Variants in NIPBL observed in about 807,000 individuals in gnomAD.
The protein encoded by NIPBL is NIPBL cohesin loading factor.
A neutral mutation model predicts 321.8 loss-of-function variants in NIPBL; 19 were observed. The ratio of observed to expected loss-of-function variants is 0.06; its 90% confidence interval spans 0.04 to 0.09. The LOEUF (loss-of-function observed/expected upper bound fraction) is 0.09. NIPBL is among the 10% of genes least tolerant of loss of function. The pLI is 1.00. For missense variants in NIPBL, 2,210 were observed against 3,327.0 expected, an observed-to-expected ratio of 0.66 and a Z score of 8.26; for synonymous variants, 1,106 against 1,114.1, an observed-to-expected ratio of 0.99 and a Z score of 0.14.
chr5:37,040,610 G>A (rs971494674), intron 34 of NIPBL, among the ~76,000 whole-genome samples: 1 of 152,068 alleles, frequency 6.6e-6, no homozygotes, highest in African/African-American at 2.4e-5. Context: ...TATTTGGCAG[G>A]TGTTTACATA....
At chr5:36,948,564 T>G (rs1490013426) in intron 1 of NIPBL, among the ~76,000 whole-genome samples, 3 of 151,912 alleles carry the variant, frequency 2.0e-5, no homozygotes, top group Non-Finnish European at 4.4e-5. Flanking sequence ...ATTTAGCTCA[T>G]TTTTAGTGTA....
chr5:37,016,890 C>T, intron 23 of NIPBL, 129 bp from the exon 24 acceptor site: 1 of 647,946 alleles, frequency 1.5e-6, no homozygotes, highest in Non-Finnish European at 2.5e-6. Context: ...CTTTATGGGA[C>T]AATATCACAG....
intron 44 of NIPBL, 35 bp downstream of exon 44, chr5:37,059,200 A>G: frequency 6.2e-7 from 1 of 1,606,954 alleles, no homozygotes; most frequent in Non-Finnish European, 8.5e-7. Flanking sequence ...AAAAAACTTC[A>G]CTCTGTTCAA....
At chr5:36,950,711 A>T (rs1740191918) in intron 1 of NIPBL, among the ~76,000 whole-genome samples, 1 of 152,082 alleles carries the variant, frequency 6.6e-6, no homozygotes, top group African/African-American at 2.4e-5. Flanking sequence ...TTCTAGACAC[A>T]TGTCAGCTTC....
chr5:36,898,322 A>G (rs79648170), intron 1 of NIPBL, among the ~76,000 whole-genome samples: 3,969 of 152,140 alleles, frequency 0.026, 95 homozygotes, highest in Non-Finnish European at 0.036. Flanking sequence ...GGGTAGTGTA[A>G]TCCTGCCTTT....
intron 1 of NIPBL, among the ~76,000 whole-genome samples, chr5:36,934,761 T>C (rs982938789): frequency 2.0e-5 from 3 of 151,668 alleles, no homozygotes; most frequent in African/African-American, 7.3e-5. Context: ...TGAAGAACTT[T>C]CAGAGGCCAT....
intron 6 of NIPBL, among the ~76,000 whole-genome samples, chr5:36,966,164 A>G (rs1032234472): frequency 6.6e-6 from 1 of 152,086 alleles, no homozygotes; most frequent in Non-Finnish European, 1.5e-5. Context: ...AGCATGTTCA[A>G]ATCTAGCTTT....
At chr5:36,891,615 G>A (rs1233239882) in intron 1 of NIPBL, among the ~76,000 whole-genome samples, 1 of 152,202 alleles carries the variant, frequency 6.6e-6, no homozygotes, top group African/African-American at 2.4e-5. Context: ...TGCCAAAAAG[G>A]TCTGAAGCTA....
chr5:36,921,190 C>G (rs569132131), intron 1 of NIPBL, among the ~76,000 whole-genome samples: 1 of 150,404 alleles, frequency 6.6e-6, no homozygotes, highest in Non-Finnish European at 1.5e-5. Flanking sequence ...TGTTCTTGAA[C>G]AGGAAAATTT....
chr5:37,062,613 T>C (rs1394240246), intron 45 of NIPBL, among the ~76,000 whole-genome samples: 1 of 152,158 alleles, frequency 6.6e-6, no homozygotes, highest in African/African-American at 2.4e-5. Context: ...CAATGAATTA[T>C]ACATTTAAAA....
intron 42 of NIPBL, among the ~76,000 whole-genome samples, chr5:37,054,298 T>G (rs1050443398): frequency 2.6e-5 from 4 of 152,088 alleles, no homozygotes; most frequent in Admixed American, 6.5e-5. Context: ...ATAGTGCAGA[T>G]ATCTTACTAG....
intron 43 of NIPBL, among the ~76,000 whole-genome samples, chr5:37,057,618 A>G (rs564287513): frequency 6.6e-6 from 1 of 152,262 alleles, no homozygotes; most frequent in South Asian, 2.1e-4. Context: ...GCATCCATTC[A>G]TACATTCATT....
At chr5:36,951,370 A>T (rs1740270775) in intron 1 of NIPBL, among the ~76,000 whole-genome samples, 1 of 152,210 alleles carries the variant, frequency 6.6e-6, no homozygotes, top group Non-Finnish European at 1.5e-5. Flanking sequence ...TCTCTGAGTT[A>T]AATAATTAAA....
chr5:36,961,514 A>C lies in NIPBL; in HGVS notation c.389A>C (p.Gln130Pro), dbSNP rs1271496028. Residue 130 changes from glutamine to proline, a missense_variant, in exon 5 of 47, where the codon CAG (glutamine) becomes CCG (proline). Transcript: ENST00000282516. The stretch of plus-strand genomic sequence containing the variant: ...ATGATGTCTCAGTATAAACTTTCTC[A>C]GAATTCCATGCACAGTAGTCCTGCA... Reference protein sequence around the residue: ...GMMMSQYKLSQNSMHSSPASS... With the variant: ...GMMMSQYKLSPNSMHSSPASS... The C allele has an allele frequency of 1.9e-6, 3 of 1,611,582 alleles. No individual in the cohort carries two copies. Among genetic ancestry groups the C allele is most frequent in the Non-Finnish European group, 2.5e-6 (3 of 1,177,942 alleles).
Position 36,985,259 on chromosome 5 carries a change from A to G in NIPBL, c.2079A>G (p.Ser693=). Residue 693 remains serine (S), a synonymous_variant, in exon 10 of 47, where the codon TCA becomes TCG. Coordinates refer to ENST00000282516, the MANE Select transcript of NIPBL (RefSeq NM_133433.4). ...PNDNKQNNGR[S]ETTKSRPETP... ...ACAACAAACAAAATAATGGCAGATC[A>G]GAAACAACAAAATCAAGGCCTGAAA... 1.2e-6 allele frequency: 2 copies of G among 1,613,850 alleles called. No homozygotes were observed. Among genetic ancestry groups the G allele is most frequent in the Non-Finnish European group, 1.7e-6 (2 of 1,179,964 alleles).
chr5:36,953,201 A>T (rs994996571), intron 1 of NIPBL, among the ~76,000 whole-genome samples: 1 of 152,202 alleles, frequency 6.6e-6, no homozygotes, highest in Non-Finnish European at 1.5e-5. Context: ...CTAGATTATG[A>T]GGTTAAATGT....
At chr5:36,935,158 A>G (rs1041838718) in intron 1 of NIPBL, among the ~76,000 whole-genome samples, 2 of 152,182 alleles carry the variant, frequency 1.3e-5, no homozygotes, top group Admixed American at 6.6e-5. Flanking sequence ...TTCAAAAAAC[A>G]TAATGACTGG....
intron 1 of NIPBL, among the ~76,000 whole-genome samples, chr5:36,890,833 A>G (rs2149523792): frequency 6.6e-6 from 1 of 152,376 alleles, no homozygotes; most frequent in East Asian, 1.9e-4. Context: ...CCCATTACTT[A>G]GTCTTAATAT....
At chr5:36,980,774 A>G (rs1179197862) in intron 9 of NIPBL, among the ~76,000 whole-genome samples, 1 of 151,702 alleles carries the variant, frequency 6.6e-6, no homozygotes, top group Admixed American at 6.6e-5. Context: ...AATACATGAA[A>G]TACATGACCG....
Sources: allele counts gnomAD v4.1 joint callset (sites outside exome capture counted in the v4.1 genomes callset), GRCh38; gene constraint gnomAD v4.1.1; transcripts MANE v1.5; gene names NCBI Gene and HGNC (gene_info 2026-07-23, HGNC 2026-07-21).